Variants in GALNT13 observed in about 807,000 individuals in gnomAD.
The protein encoded by GALNT13 is UDP-GalNAc:polypeptide N-acetylgalactosaminyltransferase 13.
In GALNT13, 28 loss-of-function variants were observed where a neutral mutation model predicts 64.2. The observed-to-expected ratio is 0.44, with a 90% CI of 0.32 to 0.60. The LOEUF is 0.60. Ranked by LOEUF, GALNT13 falls within the 20% of genes least tolerant of loss-of-function variation. GALNT13 has a pLI of 0.05. For synonymous variants in GALNT13, 214 were observed against 224.6 expected (o/e 0.95, Z 0.42); for missense variants, 577 against 669.8 (o/e 0.86, Z 1.53).
chr2:153,691,732 A>G, the GALNT13 span, among the ~76,000 whole-genome samples: 1 of 152,262 alleles, frequency 6.6e-6, no homozygotes, highest in South Asian at 2.1e-4. Flanking sequence ...GAAAAAATAG[A>G]AAATAAATTT....
At chr2:153,984,727 A>G (rs1399146958) in intron 3 of GALNT13, among the ~76,000 whole-genome samples, 1 of 151,836 alleles carries the variant, frequency 6.6e-6, no homozygotes. Context: ...TTACTGATCT[A>G]TTTTTAATAA....
the GALNT13 span, among the ~76,000 whole-genome samples, chr2:153,766,415 G>T: frequency 5.3e-5 from 8 of 152,086 alleles, no homozygotes; most frequent in East Asian, 1.2e-3. Flanking sequence ...ACTTAGATTT[G>T]GGAAAATTTT....
the GALNT13 span, among the ~76,000 whole-genome samples, chr2:153,588,680 A>T: frequency 6.6e-6 from 1 of 152,302 alleles, no homozygotes; most frequent in East Asian, 1.9e-4. Flanking sequence ...TGTCTTGGGG[A>T]TTAACATTTG....
At chr2:153,616,939 G>T in the GALNT13 span, among the ~76,000 whole-genome samples, 1 of 151,910 alleles carries the variant, frequency 6.6e-6, no homozygotes, top group Non-Finnish European at 1.5e-5. Flanking sequence ...GGGAGTACCA[G>T]ATATATAAAG....
At chr2:154,231,236 CA>C (rs1352521954) in intron 4 of GALNT13, among the ~76,000 whole-genome samples, 1 of 152,096 alleles carries the variant, frequency 6.6e-6, no homozygotes, top group Non-Finnish European at 1.5e-5. Flanking sequence ...CCTGGCAATA[CA>C]TACCTCCTTA....
chr2:154,360,591 A>G (rs1697009677), intron 9 of GALNT13, among the ~76,000 whole-genome samples: 1 of 152,174 alleles, frequency 6.6e-6, no homozygotes, highest in Non-Finnish European at 1.5e-5. Context: ...TATTCCTCAG[A>G]TGGCTTGTGC....
chr2:153,721,360 C>A, the GALNT13 span, among the ~76,000 whole-genome samples: 1 of 139,266 alleles, frequency 7.2e-6, no homozygotes, highest in Admixed American at 7.0e-5. Context: ...CAAAATCATG[C>A]CAAAATGTAA....
chr2:153,316,112 A>G, the GALNT13 span, among the ~76,000 whole-genome samples: 1 of 152,202 alleles, frequency 6.6e-6, no homozygotes, highest in South Asian at 2.1e-4. Context: ...AAGGACTGAA[A>G]AAAAAGAAAA....
the GALNT13 span, among the ~76,000 whole-genome samples, chr2:153,070,407 A>G: frequency 6.6e-6 from 1 of 152,128 alleles, no homozygotes; most frequent in African/African-American, 2.4e-5. Flanking sequence ...CACATTATGC[A>G]TTTTTCAAAA....
the GALNT13 span, among the ~76,000 whole-genome samples, chr2:153,378,255 TATAGATAGATAGATAGATAG>T: frequency 0.1 from 14,778 of 143,646 alleles, 1,008 homozygotes; most frequent in South Asian, 0.16. Context: ...TTTAGAACAT[TATAGATAGATAGATAGATAG>T]ATAGATAGAT....
At chr2:153,241,397 A>T in the GALNT13 span, among the ~76,000 whole-genome samples, 1 of 152,196 alleles carries the variant, frequency 6.6e-6, no homozygotes, top group African/African-American at 2.4e-5. Context: ...TTTGGCTGGG[A>T]TGGAAAATGC....
intron 9 of GALNT13, among the ~76,000 whole-genome samples, chr2:154,393,231 C>A (rs531903178): frequency 2.0e-5 from 3 of 152,308 alleles, no homozygotes; most frequent in African/African-American, 7.2e-5. Context: ...TAATCTAATT[C>A]AGGCTCTACA....
chr2:154,006,185 G>C (rs1231025714), intron 3 of GALNT13, among the ~76,000 whole-genome samples: 1 of 152,132 alleles, frequency 6.6e-6, no homozygotes, highest in East Asian at 1.9e-4. Context: ...AAACTCATTG[G>C]ACTTCAAATG....
the GALNT13 span, among the ~76,000 whole-genome samples, chr2:153,160,091 G>A: frequency 2.0e-5 from 3 of 152,230 alleles, no homozygotes; most frequent in Non-Finnish European, 2.9e-5. Context: ...ATCTTGGGAT[G>A]TAGAAAGAAT....
chr2:154,445,916 C>T (rs1701546268), intron 12 of GALNT13: 1 of 665,602 alleles, frequency 1.5e-6, no homozygotes, highest in Non-Finnish European at 2.3e-6. Context: ...GAGCAAGAAA[C>T]AGACAGATAA....
the GALNT13 span, among the ~76,000 whole-genome samples, chr2:153,155,658 T>C: frequency 3.8e-4 from 58 of 152,242 alleles, no homozygotes; most frequent in Non-Finnish European, 3.4e-4. Context: ...TATTAATTTT[T>C]TCAAATAACA....
At chr2:153,594,235 A>G in the GALNT13 span, among the ~76,000 whole-genome samples, 1 of 152,152 alleles carries the variant, frequency 6.6e-6, no homozygotes, top group Non-Finnish European at 1.5e-5. Context: ...ATTATAAGCC[A>G]CAATTTTGCT....
At chr2:154,261,419 C>T (rs1220060512) in intron 8 of GALNT13, among the ~76,000 whole-genome samples, 1 of 152,046 alleles carries the variant, frequency 6.6e-6, no homozygotes, top group Non-Finnish European at 1.5e-5. Context: ...TTCTCTGTGA[C>T]ATGAATATGT....
At chr2:153,385,615 T>G in the GALNT13 span, among the ~76,000 whole-genome samples, 1 of 151,970 alleles carries the variant, frequency 6.6e-6, no homozygotes, top group Non-Finnish European at 1.5e-5. Context: ...TAACAAGAAT[T>G]AATAAGACCT....
Sources: allele counts gnomAD v4.1 joint callset (sites outside exome capture counted in the v4.1 genomes callset), GRCh38; gene constraint gnomAD v4.1.1; transcripts MANE v1.5; gene names NCBI Gene and HGNC (gene_info 2026-07-23, HGNC 2026-07-21).